NCOA2: variants seen among roughly 807,000 people sequenced by gnomAD.
NCOA2 encodes the protein class E basic helix-loop-helix protein 75.
A neutral mutation model predicts 145.1 loss-of-function variants in NCOA2; 21 were observed. That is an observed-to-expected ratio of 0.14 (90% CI 0.10 to 0.21). The LOEUF (loss-of-function observed/expected upper bound fraction) is 0.21, where lower values mean the gene tolerates loss of function less well. Ranked by LOEUF, NCOA2 falls within the 10% of genes least tolerant of loss-of-function variation. NCOA2 has a pLI of 1.00. For missense variants in NCOA2, 1,472 were observed against 1,837.6 expected, an observed-to-expected ratio of 0.80 and a Z score of 3.64; for synonymous variants, 619 against 637.5, an observed-to-expected ratio of 0.97 and a Z score of 0.44.
At chr8:70,400,388 T>C (rs186999857) in intron 1 of NCOA2, among the ~76,000 whole-genome samples, 94 of 151,422 alleles carry the variant, frequency 6.2e-4, no homozygotes, top group Non-Finnish European at 9.3e-4. Context: ...GCTTGAGAGG[T>C]TTTTTTCCCC....
chr8:70,205,742 G>A (rs1296612603), intron 4 of NCOA2, among the ~76,000 whole-genome samples: 3 of 152,116 alleles, frequency 2.0e-5, no homozygotes, highest in Non-Finnish European at 2.9e-5. Context: ...AGAATGGCAG[G>A]ACTGGAGACA....
intron 3 of NCOA2, 143 bp from the exon 4 acceptor site, chr8:70,214,218 A>T (rs1819352150): frequency 1.3e-6 from 1 of 796,948 alleles, no homozygotes; most frequent in Non-Finnish European, 1.9e-6. Flanking sequence ...GGAAAAACAC[A>T]ATTTTCCAAA....
At chr8:70,159,244 T>TATATATATATATATATGTATATATA in intron 10 of NCOA2, among the ~76,000 whole-genome samples, 7,367 of 68,800 alleles carry the variant, frequency 0.11, 1,286 homozygotes, top group Non-Finnish European at 0.13. Flanking sequence ...ATATATATAT[T>TATATATATATATATATGTATATATA]TTTTTTTTTT....
chr8:70,331,871 C>T (rs1231233725), intron 1 of NCOA2, among the ~76,000 whole-genome samples: 1 of 152,138 alleles, frequency 6.6e-6, no homozygotes, highest in Non-Finnish European at 1.5e-5. Flanking sequence ...CATACATAGA[C>T]AAACTACACT....
chr8:70,145,061 G>A (rs1020765564), intron 12 of NCOA2, among the ~76,000 whole-genome samples: 3 of 152,144 alleles, frequency 2.0e-5, no homozygotes, highest in Admixed American at 6.5e-5. Context: ...AATTCTTGAC[G>A]ATCTTGCAAA....
At chr8:70,447,682 CTTTTTTTTTT>C in the NCOA2 span, among the ~76,000 whole-genome samples, 1 of 113,092 alleles carries the variant, frequency 8.8e-6, no homozygotes, top group Non-Finnish European at 1.7e-5. Context: ...TCTTTGTTTT[CTTTTTTTTTT>C]TTTTTTTTCT....
chr8:70,174,664 T>G, intron 5 of NCOA2, 92 bp downstream of exon 5: 1 of 1,212,622 alleles, frequency 8.2e-7, no homozygotes, highest in Admixed American at 1.7e-5. Flanking sequence ...CTAGTGTGGA[T>G]TCTCCTTAAA....
At chr8:70,381,389 A>G (rs1225760002) in intron 1 of NCOA2, among the ~76,000 whole-genome samples, 1 of 152,214 alleles carries the variant, frequency 6.6e-6, no homozygotes, top group Middle Eastern at 3.2e-3. Flanking sequence ...ATAAATATCA[A>G]GTTTCCATTG....
chr8:70,182,862 A>C lies in NCOA2; in HGVS notation c.260-8003T>G, dbSNP rs1295870509. 3.3e-5 allele frequency among the ~76,000 whole-genome samples: 5 copies of C among 152,234 alleles called. No homozygotes were observed. In the South Asian group the frequency reaches 6.2e-4, roughly 19 times the overall value. On this transcript the variant is annotated intron_variant, in intron 4 of 22. Coordinates refer to ENST00000452400, the MANE Select transcript of NCOA2 (RefSeq NM_006540.4). ...GAAGAAAAAAAATACTTAGGCACAC[A>C]ATAAACAATGTAGACACTGAAAGAA...
intron 12 of NCOA2, among the ~76,000 whole-genome samples, chr8:70,146,840 C>T (rs764277408): frequency 2.0e-5 from 3 of 151,968 alleles, no homozygotes; most frequent in Non-Finnish European, 2.9e-5. Flanking sequence ...GGATTACAGG[C>T]GCCCACCATC....
chr8:70,259,184 T>C (rs969386221), intron 2 of NCOA2, among the ~76,000 whole-genome samples: 5 of 152,210 alleles, frequency 3.3e-5, no homozygotes, highest in Non-Finnish European at 7.3e-5. Flanking sequence ...AGGCCTTTCT[T>C]AAGTGCTTCA....
chr8:70,225,757 C>T (rs901618842), intron 2 of NCOA2, among the ~76,000 whole-genome samples: 1 of 152,034 alleles, frequency 6.6e-6, no homozygotes, highest in African/African-American at 2.4e-5. Flanking sequence ...AATATACAAC[C>T]ATTAATCATA....
chr8:70,342,136 C>A (rs1808197865), intron 1 of NCOA2, among the ~76,000 whole-genome samples: 2 of 152,166 alleles, frequency 1.3e-5, no homozygotes, highest in Non-Finnish European at 2.9e-5. Flanking sequence ...AGGAATTATT[C>A]AGCCAACCAA....
chr8:70,177,561 A>T (rs1222954833), intron 4 of NCOA2, among the ~76,000 whole-genome samples: 1 of 152,180 alleles, frequency 6.6e-6, no homozygotes, highest in Non-Finnish European at 1.5e-5. Flanking sequence ...AGGGTAGAGG[A>T]GGAAGATAGA....
At chr8:70,401,996 T>G (rs1814298965) in intron 1 of NCOA2, 1 of 152,274 alleles carries the variant, frequency 6.6e-6, no homozygotes, top group Non-Finnish European at 1.5e-5. Flanking sequence ...TCGGAGCCCC[T>G]ATAAGTGACA....
chr8:70,254,825 C>T (rs1823504378), intron 2 of NCOA2, among the ~76,000 whole-genome samples: 2 of 151,992 alleles, frequency 1.3e-5, no homozygotes. Flanking sequence ...ACACTTAATG[C>T]CACAGAACTA....
intron 17 of NCOA2, 32 bp from the exon 18 acceptor site, chr8:70,128,542 T>C: frequency 1.2e-6 from 2 of 1,602,218 alleles, no homozygotes; most frequent in Non-Finnish European, 1.7e-6. Flanking sequence ...GAATACATTT[T>C]AAGAACAGAA....
chr8:70,375,215 CAATAAA>C (rs1283005298), intron 1 of NCOA2, among the ~76,000 whole-genome samples: 2 of 152,030 alleles, frequency 1.3e-5, no homozygotes, highest in African/African-American at 4.8e-5. Flanking sequence ...AAATATTCAT[CAATAAA>C]AATAAAGTAC....
chr8:70,249,932 C>T (rs369982581), intron 2 of NCOA2, among the ~76,000 whole-genome samples: 1 of 122,422 alleles, frequency 8.2e-6, no homozygotes, highest in Non-Finnish European at 1.6e-5. Flanking sequence ...CATTGCACTC[C>T]AGCCTAGGCA....
Sources: gnomAD v4.1 joint callset for allele counts (sites outside exome capture counted in the v4.1 genomes callset) on GRCh38, gnomAD v4.1.1 for gene constraint, MANE v1.5 for transcripts, NCBI Gene and HGNC (gene_info 2026-07-23, HGNC 2026-07-21) for gene names.